Variants in TIGAR observed in about 807,000 individuals in gnomAD.
TIGAR encodes TP53 induced glycolysis regulatory phosphatase.
A neutral mutation model predicts 17.9 loss-of-function variants in TIGAR; 7 were observed. The observed-to-expected ratio is 0.39, with a 90% CI of 0.22 to 0.73. TIGAR has a LOEUF of 0.73. Among genes scored for constraint, TIGAR ranks in the 30% least tolerant of loss-of-function variants. The probability of loss-of-function intolerance (pLI) is 0.42; values close to 1 mark genes in which losing one functional copy is unlikely to be tolerated. For synonymous variants in TIGAR, 94 were observed against 108.6 expected (o/e 0.87, Z 0.84); for missense variants, 258 against 327.4 (o/e 0.79, Z 1.64).
At chr12:4,331,445 AAGCATCATAACCACAG>A (rs1300370997) in intron 2 of TIGAR, 128 bp downstream of exon 2, 2 of 847,906 alleles carry the variant, frequency 2.4e-6, no homozygotes, top group East Asian at 4.9e-5. Context: ...TACAGAATCA[AAGCATCATAACCACAG>A]AAATATGATC....
rs1437569569 is a variant in TIGAR at position 4,360,017 on chromosome 12, T to C, written c.*7326T>C. Among the ~76,000 whole-genome samples, 1 of 152,128 alleles carries C rather than the reference T, an allele frequency of 6.6e-6. No homozygotes were observed. The highest frequency in any genetic ancestry group is 1.5e-5 in the Non-Finnish European group (1 of 68,012). On this transcript the variant is annotated 3_prime_UTR_variant, in exon 6 of 6. Transcript: ENST00000179259. ...TTGTGAAATGTGTATTAAAATCTTA[T>C]CCATTAAAAAATTGTGTCATCTTTT...
chr12:4,336,175 C>T (rs1864655766), intron 2 of TIGAR, among the ~76,000 whole-genome samples: 1 of 152,144 alleles, frequency 6.6e-6, no homozygotes, highest in Admixed American at 6.5e-5. Context: ...GAATGCTTTG[C>T]TCTGAAAAGG....
intron 2 of TIGAR, among the ~76,000 whole-genome samples, chr12:4,334,084 C>T (rs1021837215): frequency 6.6e-6 from 1 of 151,944 alleles, no homozygotes; most frequent in South Asian, 2.1e-4. Flanking sequence ...TTACTTTCCC[C>T]ACTACCTTTC....
intron 2 of TIGAR, among the ~76,000 whole-genome samples, chr12:4,334,798 C>T (rs1030954010): frequency 1.3e-5 from 2 of 152,148 alleles, no homozygotes; most frequent in African/African-American, 4.8e-5. Flanking sequence ...TAGCATTCTG[C>T]AGTTTTGGTT....
At chr12:4,344,764 A>T (rs1275772332) in intron 3 of TIGAR, among the ~76,000 whole-genome samples, 1 of 152,218 alleles carries the variant, frequency 6.6e-6, no homozygotes, top group African/African-American at 2.4e-5. Flanking sequence ...AGTTCTGGCC[A>T]GGGCAATCAG....
In TIGAR at chr12:4,360,022, TA is replaced by T. The variant is rs961159257; in HGVS notation, c.*7337del. On this transcript the variant is annotated 3_prime_UTR_variant, in exon 6 of 6. Transcript: ENST00000179259. ...AAATGTGTATTAAAATCTTATCCAT[TA>T]AAAAATTGTGTCATCTTTTTATTTT... is the stretch of plus-strand genomic sequence containing the variant. 5.9e-4 allele frequency among the ~76,000 whole-genome samples: 90 copies of T among 152,302 alleles called. No homozygotes were observed. Among genetic ancestry groups the T allele is most frequent in the African/African-American group, 2.1e-3 (87 of 41,576 alleles).
At chr12:4,324,960 G>A (rs10849037) in intron 1 of TIGAR, 43,817 of 209,072 alleles carry the variant, frequency 0.21, 5,042 homozygotes, top group African/African-American at 0.24. Flanking sequence ...TTTTTTTGAC[G>A]AAACGGAGTT....
chr12:4,334,827 G>A (rs1483444242), intron 2 of TIGAR, among the ~76,000 whole-genome samples: 1 of 152,148 alleles, frequency 6.6e-6, no homozygotes, highest in Non-Finnish European at 1.5e-5. Flanking sequence ...CCTGTTAAGA[G>A]ATTTCTATCA....
intron 2 of TIGAR, among the ~76,000 whole-genome samples, 146 bp from the exon 3 acceptor site, chr12:4,336,880 TTTACTTGCTAATA>T (rs1163636973): frequency 6.6e-6 from 1 of 152,206 alleles, no homozygotes; most frequent in Non-Finnish European, 1.5e-5. Context: ...AAAACTTATT[TTTACTTGCTAATA>T]ACTCCCTGAA....
rs1175740413 is a variant in TIGAR, at chr12:4,351,298, G to A, written c.302G>A (p.Ser101Asn). 6.2e-7 allele frequency: 1 copy of A among 1,614,080 alleles called. No individual in the cohort carries two copies. Among genetic ancestry groups the A allele is most frequent in the Non-Finnish European group, 8.5e-7 (1 of 1,180,040 alleles). ...KYGVVEGKAL[S>N]ELRAMAKAAR... ...GGGGTTGTAGAAGGCAAAGCGCTAA[G>A]TGAGCTGAGGGCCATGGCCAAAGCA... Residue 101 changes from serine to asparagine, a missense_variant, in exon 5 of 6, where the codon AGT becomes AAT. Coordinates refer to ENST00000179259, the MANE Select transcript of TIGAR (RefSeq NM_020375.3).
chr12:4,349,906 T>C lies in TIGAR; in HGVS notation c.270+10T>C. 1 of 1,536,942 alleles carries C rather than the reference T, an allele frequency of 6.5e-7. No individual in the cohort carries two copies. Among genetic ancestry groups the C allele is most frequent in the Non-Finnish European group, 8.7e-7 (1 of 1,145,420 alleles). The stretch of plus-strand genomic sequence containing the variant: ...AAGACTTCGGGAAAGGGTGAGTAAC[T>C]TATTTACATATTGTTCTTCCCCATA... On this transcript the variant is annotated intron_variant, in intron 4 of 5. Transcript: ENST00000179259.
rs544628327 is a variant in TIGAR at position 4,321,915 on chromosome 12, C to T, written c.32+612C>T. Among the ~76,000 whole-genome samples, 2 of 152,308 alleles carry T rather than the reference C, an allele frequency of 1.3e-5. No individual in the cohort carries two copies. The highest frequency in any genetic ancestry group is 4.1e-4 in the South Asian group (2 of 4,824). ...ATTATCATAACGTTACACGGAGCTG[C>T]ATGCTGATAGGTCTTTATGTATTTG... On this transcript the variant is annotated intron_variant, in intron 1 of 5. Transcript: ENST00000179259. This position sits in a 1 kb window ranked among gnomAD's most constrained non-coding sequence, Gnocchi z 5.2.
At chr12:4,325,550 G>A (rs1486521701) in intron 1 of TIGAR, among the ~76,000 whole-genome samples, 4 of 151,970 alleles carry the variant, frequency 2.6e-5, no homozygotes, top group Non-Finnish European at 5.9e-5. Flanking sequence ...AGACCAGCCT[G>A]GTCAACATGG....
intron 3 of TIGAR, among the ~76,000 whole-genome samples, chr12:4,337,821 G>T (rs1445602905): frequency 1.3e-5 from 2 of 152,090 alleles, no homozygotes; most frequent in Non-Finnish European, 2.9e-5. Context: ...TATCTTCAGG[G>T]AACAGATTAC....
Position 4,357,814 on chromosome 12 carries a change from G to A in TIGAR, c.*5123G>A, listed in dbSNP as rs930040365. Among the ~76,000 whole-genome samples, 2 of 151,756 alleles carry A rather than the reference G, an allele frequency of 1.3e-5. No homozygotes were observed. The highest frequency in any genetic ancestry group is 6.6e-5 in the Admixed American group (1 of 15,248). On this transcript the variant is annotated 3_prime_UTR_variant, in exon 6 of 6. Transcript: ENST00000179259. ...TTAGTAATTTTGTGACCAAGCAATC[G>A]CTGAGGTGGCTGGGCGTGGTGGCTC...
intron 3 of TIGAR, among the ~76,000 whole-genome samples, chr12:4,349,181 A>G (rs1182898099): frequency 6.6e-6 from 1 of 152,224 alleles, no homozygotes; most frequent in African/African-American, 2.4e-5. Context: ...CTCTGTTAAC[A>G]CCTGTTCAAG....
rs1406291829 is a variant in TIGAR, at chr12:4,354,339, T to C, written c.*1648T>C. 6.6e-6 allele frequency: 1 copy of C among 152,052 alleles called. No individual in the cohort carries two copies. Among genetic ancestry groups the C allele is most frequent in the East Asian group, 1.9e-4 (1 of 5,202 alleles). 9.4% of individuals were successfully genotyped at this position (152,052 alleles called of 1,614,324 possible). A position where few individuals can be genotyped will look rare whatever the true frequency, so the allele number is the denominator to read the frequency against. ...ACAATAATTATCTCCATTCCCACCA[T>C]ACTGAAGTCATCTTTCCACTTTTTT... On this transcript the variant is annotated 3_prime_UTR_variant, in exon 6 of 6. Coordinates refer to ENST00000179259, the MANE Select transcript of TIGAR (RefSeq NM_020375.3).
chr12:4,336,940 A>T, intron 2 of TIGAR, 99 bp from the exon 3 acceptor site: 1 of 1,314,838 alleles, frequency 7.6e-7, no homozygotes, highest in Non-Finnish European at 1.0e-6. Context: ...ATCTTTCATT[A>T]AAATTTAGAT....
chr12:4,344,457 A>C (rs1565449338), intron 3 of TIGAR, among the ~76,000 whole-genome samples: 1 of 152,244 alleles, frequency 6.6e-6, no homozygotes, highest in African/African-American at 2.4e-5. Flanking sequence ...CCTGATGAAC[A>C]TTGATGCAAA....
Sources: allele counts gnomAD v4.1 joint callset (sites outside exome capture counted in the v4.1 genomes callset), GRCh38; gene constraint gnomAD v4.1.1; non-coding constraint Gnocchi (gnomAD v3.1); transcripts MANE v1.5; gene names NCBI Gene and HGNC (gene_info 2026-07-23, HGNC 2026-07-21).